CDH13: variants seen among roughly 807,000 people sequenced by gnomAD.
CDH13 encodes cadherin 13.
CDH13 carries 24 observed loss-of-function variants against 63.8 expected under a neutral mutation model. The ratio of observed to expected loss-of-function variants is 0.38; its 90% confidence interval spans 0.27 to 0.53. The LOEUF is 0.53. Ranked by LOEUF, CDH13 falls within the 20% of genes least tolerant of loss-of-function variation. CDH13 has a pLI of 0.85. For synonymous variants in CDH13, 503 were observed against 355.3 expected (o/e 1.42, Z -4.67); for missense variants, 1,049 against 903.1 (o/e 1.16, Z -2.07).
At chr16:83,330,700 T>G (rs1002181044) in intron 5 of CDH13, among the ~76,000 whole-genome samples, 2 of 152,180 alleles carry the variant, frequency 1.3e-5, no homozygotes, top group African/African-American at 4.8e-5. Flanking sequence ...ACCACCTTCC[T>G]CAGATTGCAC....
intron 2 of CDH13, among the ~76,000 whole-genome samples, chr16:82,919,173 T>TA (rs1406138495): frequency 6.6e-6 from 1 of 152,208 alleles, no homozygotes; most frequent in Non-Finnish European, 1.5e-5. Context: ...ATTTCAATCT[T>TA]ACTTTTTACA....
chr16:83,236,407 C>T (rs972481435), intron 5 of CDH13, among the ~76,000 whole-genome samples: 1 of 152,152 alleles, frequency 6.6e-6, no homozygotes, highest in African/African-American at 2.4e-5. Flanking sequence ...ATATTACACA[C>T]TTTTAAGAAA....
chr16:83,271,532 A>C lies in CDH13; in HGVS notation c.636+54035A>C, dbSNP rs556372902. Among the ~76,000 whole-genome samples the C allele has an allele frequency of 3.5e-3, 518 of 146,394 alleles. 4 individuals carry two copies. The highest frequency in any genetic ancestry group is 0.013 in the African/African-American group (478 of 37,510). On this transcript the variant is annotated intron_variant, in intron 5 of 13. Coordinates refer to ENST00000567109, the MANE Select transcript of CDH13 (RefSeq NM_001257.5). ...AAACAAAACAAAACAACAACAACAA[A>C]AAAAAACGCTGTACCTAGAAGTAAC...
intron 1 of CDH13, among the ~76,000 whole-genome samples, chr16:82,731,070 G>T (rs1004077372): frequency 3.3e-5 from 5 of 152,180 alleles, no homozygotes; most frequent in Admixed American, 6.5e-5. Context: ...ACTTCATTCA[G>T]TGAAGTCACA....
chr16:82,905,146 T>C (rs985370685), intron 2 of CDH13, among the ~76,000 whole-genome samples: 3 of 152,194 alleles, frequency 2.0e-5, no homozygotes, highest in African/African-American at 7.2e-5. Flanking sequence ...CCACGGCTGC[T>C]GACAGCAGTT....
intron 4 of CDH13, among the ~76,000 whole-genome samples, chr16:83,128,479 C>T (rs1480382320): frequency 2.6e-5 from 4 of 152,210 alleles, no homozygotes; most frequent in African/African-American, 9.6e-5. Context: ...CTTTCTCCTC[C>T]TGTCCACCAC....
chr16:83,425,908 T>C (rs75806493), intron 6 of CDH13, among the ~76,000 whole-genome samples: 10,088 of 152,208 alleles, frequency 0.066, 360 homozygotes, highest in African/African-American at 0.079. Context: ...AGATACAGCA[T>C]TGAACCACCC....
At chr16:83,116,907 C>T (rs1319412534) in intron 3 of CDH13, among the ~76,000 whole-genome samples, 4 of 152,184 alleles carry the variant, frequency 2.6e-5, no homozygotes, top group African/African-American at 7.2e-5. Flanking sequence ...GTGTTCACTG[C>T]AGGACAATGT....
At chr16:82,780,087 T>G (rs1032728870) in intron 1 of CDH13, among the ~76,000 whole-genome samples, 1 of 152,142 alleles carries the variant, frequency 6.6e-6, no homozygotes, top group Non-Finnish European at 1.5e-5. Context: ...ATCTGTGACT[T>G]AAATCAAGCA....
In CDH13 at chr16:83,429,944, C is replaced by G. The variant is rs527898161; in HGVS notation, c.782-56533C>G. On this transcript the variant is annotated intron_variant, in intron 6 of 13. Transcript: ENST00000567109. Reference sequence around the variant, plus strand: ...ACTGATGCCCATTGATTATTAATTCCTCATTTCCCCTCCCTTCAGCCCCTG... The same window carrying G: ...ACTGATGCCCATTGATTATTAATTCGTCATTTCCCCTCCCTTCAGCCCCTG... Among the ~76,000 whole-genome samples, 155 of 152,268 alleles carry G rather than the reference C, an allele frequency of 1.0e-3. 5 individuals carry two copies. The South Asian group carries it at 0.032, about 31-fold the overall frequency.
intron 7 of CDH13, among the ~76,000 whole-genome samples, chr16:83,513,712 A>G (rs540884478): frequency 1.2e-4 from 19 of 152,236 alleles, no homozygotes; most frequent in African/African-American, 4.6e-4. Context: ...CCGTGATCCA[A>G]TTACCTCTCA....
In CDH13 at chr16:83,270,736, C is replaced by T. The variant is rs538924050; in HGVS notation, c.636+53239C>T. ...ATCTGTCATCTTCTATCCTCCCAGA[C>T]GTGTTTTCTCATGATAAGAATTATT... On this transcript the variant is annotated intron_variant, in intron 5 of 13. Transcript: ENST00000567109. Among the ~76,000 whole-genome samples, 57 of 152,258 alleles carry T rather than the reference C, an allele frequency of 3.7e-4. No homozygotes were observed. The South Asian group carries it at 0.011, about 30-fold the overall frequency.
chr16:83,369,649 C>T (rs4782781), intron 6 of CDH13, among the ~76,000 whole-genome samples: 81,673 of 151,796 alleles, frequency 0.54, 23,316 homozygotes, highest in East Asian at 0.81. Context: ...GGTCTCACAT[C>T]CCTGGCCTCA....
intron 6 of CDH13, among the ~76,000 whole-genome samples, chr16:83,391,273 T>A (rs1364749919): frequency 2.0e-5 from 3 of 152,000 alleles, no homozygotes; most frequent in African/African-American, 7.3e-5. Context: ...TAACATGATC[T>A]TGGCTTACTG....
chr16:83,499,063 G>A lies in CDH13; in HGVS notation c.960+12408G>A, dbSNP rs956244735. ...GCAGAAGTTTCTTGTGATCAAATAC[G>A]TGTGCAAAGATCCAGCAACAAGGGT... On this transcript the variant is annotated intron_variant, in intron 7 of 13. Transcript: ENST00000567109. Among the ~76,000 whole-genome samples, 6 of 152,292 alleles carry A rather than the reference G, an allele frequency of 3.9e-5. 1 individual carries two copies. In the South Asian group the frequency reaches 6.2e-4, roughly 16 times the overall value.
chr16:83,529,054 C>A (rs1397347058), intron 7 of CDH13, among the ~76,000 whole-genome samples: 3 of 150,574 alleles, frequency 2.0e-5, no homozygotes, highest in Non-Finnish European at 4.4e-5. Flanking sequence ...AGATGGAGGT[C>A]ATTCCACCCA....
chr16:83,114,919 C>T (rs1472632231), intron 3 of CDH13, among the ~76,000 whole-genome samples: 6 of 152,176 alleles, frequency 3.9e-5, no homozygotes, highest in Admixed American at 6.5e-5. Flanking sequence ...GCTGCAAGAA[C>T]GGAATAAATT....
intron 3 of CDH13, among the ~76,000 whole-genome samples, chr16:83,066,880 G>C (rs2032057221): frequency 6.6e-6 from 1 of 152,186 alleles, no homozygotes; most frequent in Admixed American, 6.5e-5. Flanking sequence ...GTTGGTTAGA[G>C]TGAGTGCTTA....
At chr16:83,154,585 A>G (rs1265357358) in intron 4 of CDH13, among the ~76,000 whole-genome samples, 8 of 151,568 alleles carry the variant, frequency 5.3e-5, no homozygotes, top group Middle Eastern at 3.4e-3. Context: ...AAAAAATTGT[A>G]TCTTTTACTA....
Sources: allele counts gnomAD v4.1 joint callset (sites outside exome capture counted in the v4.1 genomes callset), GRCh38; gene constraint gnomAD v4.1.1; transcripts MANE v1.5; gene names NCBI Gene and HGNC (gene_info 2026-07-23, HGNC 2026-07-21).